Variants in IL1RAPL1 observed in about 807,000 individuals in gnomAD.
IL1RAPL1 encodes the protein interleukin 1 receptor accessory protein like 1, also known as interleukin-1 receptor accessory protein-like 1.
A neutral mutation model predicts 48.4 loss-of-function variants in IL1RAPL1; 3 were observed. The ratio of observed to expected loss-of-function variants is 0.06; its 90% CI spans 0.03 to 0.16. IL1RAPL1 has a LOEUF of 0.16. Among genes scored for constraint, IL1RAPL1 ranks in the 10% least tolerant of loss-of-function variants. IL1RAPL1 has a pLI of 1.00. For synonymous variants in IL1RAPL1, 185 were observed against 187.7 expected (o/e 0.99, Z 0.12); for missense variants, 349 against 530.6 (o/e 0.66, Z 3.36).
chrX:29,112,452 G>A (rs1357885596), intron 2 of IL1RAPL1, among the ~76,000 whole-genome samples: 1 of 103,586 alleles, frequency 9.7e-6, no homozygotes, highest in Non-Finnish European at 1.9e-5. Flanking sequence ...TCTTTGAATG[G>A]TGTGAGTGAT....
At chrX:29,570,623 T>C (rs940066224) in intron 5 of IL1RAPL1, among the ~76,000 whole-genome samples, 2 of 112,353 alleles carry the variant, frequency 1.8e-5, no homozygotes, top group African/African-American at 6.5e-5. Flanking sequence ...TGTTGCTTTA[T>C]TTACTAAATG....
chrX:29,336,345 GTGTA>G (rs1181427735), intron 3 of IL1RAPL1, among the ~76,000 whole-genome samples: 7 of 55,426 alleles, frequency 1.3e-4, no homozygotes, highest in South Asian at 6.7e-4. Flanking sequence ...GTGTGTGTGT[GTGTA>G]TATCTATGTA....
In IL1RAPL1 at chrX:29,579,841, A is replaced by G. The variant is rs755729387; in HGVS notation, c.704-88589A>G. Among the ~76,000 whole-genome samples, 488 of 112,215 alleles carry G rather than the reference A, an allele frequency of 4.3e-3. 3 individuals carry two copies. Among genetic ancestry groups the G allele is most frequent in the Admixed American group, 7.7e-3 (81 of 10,583 alleles). ...CTAGAGAATCTGAGAGAAATCTATG[A>G]GAATAAAAGACAGTGGCACTGAGAC... On this transcript the variant is annotated intron_variant, in intron 5 of 10. Coordinates refer to ENST00000378993, the MANE Select transcript of IL1RAPL1 (RefSeq NM_014271.4).
chrX:29,102,111 C>T, intron 2 of IL1RAPL1, among the ~76,000 whole-genome samples: 1 of 110,280 alleles, frequency 9.1e-6, no homozygotes, highest in Non-Finnish European at 1.9e-5. Context: ...TGATAAAATT[C>T]AACATCCCTT....
chrX:28,954,036 A>G (rs189313692), intron 2 of IL1RAPL1, among the ~76,000 whole-genome samples: 9 of 111,697 alleles, frequency 8.1e-5, no homozygotes, highest in Admixed American at 7.6e-4. Flanking sequence ...TATGGTGCAT[A>G]AAGCTCTGTT....
intron 2 of IL1RAPL1, among the ~76,000 whole-genome samples, chrX:28,791,270 G>C (rs1423406897): frequency 9.0e-6 from 1 of 111,213 alleles, no homozygotes; most frequent in African/African-American, 3.3e-5. Flanking sequence ...TGTTTGAGAA[G>C]CATGAGAGCA....
intron 2 of IL1RAPL1, among the ~76,000 whole-genome samples, chrX:28,842,054 A>G (rs911096261): frequency 1.8e-5 from 2 of 110,559 alleles, no homozygotes; most frequent in Admixed American, 9.7e-5. Flanking sequence ...TTTCTCAGCT[A>G]GTGGTCCCTT....
intron 1 of IL1RAPL1, among the ~76,000 whole-genome samples, chrX:28,659,632 A>C (rs1198809578): frequency 8.9e-6 from 1 of 111,922 alleles, no homozygotes; most frequent in African/African-American, 3.3e-5. Context: ...TGCTCCAATT[A>C]GTTGTAAGCA....
chrX:28,873,743 G>A (rs1922288070), intron 2 of IL1RAPL1, among the ~76,000 whole-genome samples: 1 of 106,450 alleles, frequency 9.4e-6, no homozygotes, highest in Non-Finnish European at 1.9e-5. Context: ...GTGTTAGCCA[G>A]GATGGTCTGG....
At chrX:29,062,652 A>G (rs1389959054) in intron 2 of IL1RAPL1, among the ~76,000 whole-genome samples, 1 of 112,348 alleles carries the variant, frequency 8.9e-6, no homozygotes, top group Non-Finnish European at 1.9e-5. Flanking sequence ...TTGTGCTTGT[A>G]TAATTCTCTT....
intron 6 of IL1RAPL1, among the ~76,000 whole-genome samples, chrX:29,901,559 C>T (rs190845173): frequency 4.5e-5 from 5 of 111,774 alleles, no homozygotes; most frequent in African/African-American, 1.3e-4. Flanking sequence ...TTTTTCTTTC[C>T]GTCTTGCTCC....
intron 2 of IL1RAPL1, among the ~76,000 whole-genome samples, chrX:29,189,441 T>A (rs1347552245): frequency 9.0e-6 from 1 of 111,575 alleles, no homozygotes; most frequent in Non-Finnish European, 1.9e-5. Flanking sequence ...TTTCCCCCTC[T>A]TTTTCCTAGT....
chrX:28,620,407 C>T, intron 1 of IL1RAPL1, among the ~76,000 whole-genome samples: 1 of 111,448 alleles, frequency 9.0e-6, no homozygotes, highest in Non-Finnish European at 1.9e-5. Flanking sequence ...GGTTTCTTTC[C>T]AAGAATTAGG....
intron 5 of IL1RAPL1, among the ~76,000 whole-genome samples, chrX:29,407,116 TGTATA>T (rs1934082718): frequency 1.8e-5 from 2 of 111,497 alleles, no homozygotes; most frequent in African/African-American, 6.5e-5. Context: ...AACCAAAAAG[TGTATA>T]AAATGTAAAC....
At position 28,829,624 on chromosome X, in the gene IL1RAPL1, A is replaced by C. The variant is rs1920999181; in HGVS notation, c.82+40199A>C. Among the ~76,000 whole-genome samples, 5 of 105,359 alleles carry C rather than the reference A, an allele frequency of 4.7e-5. No individual in the cohort carries two copies. In the South Asian group the frequency reaches 1.8e-3, roughly 37 times the overall value. The allele number at this position is 105,359 out of a possible 115,157, so 91.5% of individuals were successfully genotyped here. ...GCCCAGGCTGGAGTGCAGTGGCACA[A>C]TCTCGGCTCACTTCAACCTCTGCCT... On this transcript the variant is annotated intron_variant, in intron 2 of 10. Transcript: ENST00000378993.
chrX:29,468,123 G>A (rs1467801224), intron 5 of IL1RAPL1, among the ~76,000 whole-genome samples: 1 of 112,278 alleles, frequency 8.9e-6, no homozygotes, highest in Non-Finnish European at 1.9e-5. Flanking sequence ...GCCTCCCAAA[G>A]TGCTGGGATT....
At chrX:29,918,902 A>C (rs890820488) in intron 7 of IL1RAPL1, among the ~76,000 whole-genome samples, 9 of 112,388 alleles carry the variant, frequency 8.0e-5, no homozygotes, top group African/African-American at 2.9e-4. Flanking sequence ...ATAATAAGTA[A>C]GTTACAACCA....
At chrX:29,918,403 G>T (rs1266757017) in intron 7 of IL1RAPL1, among the ~76,000 whole-genome samples, 10 of 101,669 alleles carry the variant, frequency 9.8e-5, no homozygotes, top group African/African-American at 3.6e-4. Flanking sequence ...TACTCGGGAG[G>T]CTGAGGCAGG....
chrX:29,425,657 G>A (rs886088509), intron 5 of IL1RAPL1, among the ~76,000 whole-genome samples: 6 of 111,180 alleles, frequency 5.4e-5, no homozygotes, highest in Admixed American at 9.6e-5. Context: ...ACGGCTCACT[G>A]CTACCTCCGC....
Sources: gnomAD v4.1 joint callset for allele counts (sites outside exome capture counted in the v4.1 genomes callset) on GRCh38, gnomAD v4.1.1 for gene constraint, MANE v1.5 for transcripts, NCBI Gene and HGNC (gene_info 2026-07-23, HGNC 2026-07-21) for gene names.